Variants in ZDHHC3 observed in about 807,000 individuals in gnomAD.
ZDHHC3 encodes zDHHC palmitoyltransferase 3, also known as palmitoyltransferase ZDHHC3.
A neutral mutation model predicts 30.6 loss-of-function variants in ZDHHC3; 9 were observed. That is an observed-to-expected ratio of 0.29 (90% CI 0.18 to 0.51). ZDHHC3 has a LOEUF of 0.51. Among genes scored for constraint, ZDHHC3 ranks in the 20% least tolerant of loss-of-function variants. The probability of loss-of-function intolerance (pLI) is 0.97; values close to 1 mark genes in which losing one functional copy is unlikely to be tolerated. For synonymous variants in ZDHHC3, 136 were observed against 140.2 expected (o/e 0.97, Z 0.21); for missense variants, 246 against 384.2 (o/e 0.64, Z 3.01).
intron 1 of ZDHHC3, among the ~76,000 whole-genome samples, chr3:44,960,998 C>T (rs184788074): frequency 6.6e-6 from 1 of 152,340 alleles, no homozygotes; most frequent in African/African-American, 2.4e-5. Flanking sequence ...TGAAAGGCAG[C>T]TAAATGTGCT....
Position 44,926,599 on chromosome 3 carries a change from C to G in ZDHHC3, c.*90G>C. On this transcript the variant is annotated 3_prime_UTR_variant, in exon 7 of 7. Coordinates refer to ENST00000424952, the MANE Select transcript of ZDHHC3 (RefSeq NM_001135179.2). ...AAAAGTTTTAAGAGTAGTTGTTTTGCTTTTTCGATTTAAACATTCATGAGA... is the reference window on the plus strand; with the variant it reads ...AAAAGTTTTAAGAGTAGTTGTTTTGGTTTTTCGATTTAAACATTCATGAGA... 7.6e-7 allele frequency: 1 copy of G among 1,313,326 alleles called. No individual in the cohort carries two copies. The highest frequency in any genetic ancestry group is 2.9e-5 in the East Asian group (1 of 35,000). 81.4% of individuals were successfully genotyped at this position (1,313,326 alleles called of 1,614,324 possible).
In ZDHHC3 at chr3:44,928,001, C is replaced by T. The variant is rs140496563; in HGVS notation, c.742-1154G>A. Among the ~76,000 whole-genome samples, 281 of 152,336 alleles carry T rather than the reference C, an allele frequency of 1.8e-3. 1 individual carries two copies. The highest frequency in any genetic ancestry group is 2.6e-3 in the Non-Finnish European group (175 of 68,026). On this transcript the variant is annotated intron_variant, in intron 6 of 6. Coordinates refer to ENST00000424952, the MANE Select transcript of ZDHHC3 (RefSeq NM_001135179.2). ...TAGGAATGGTCTTCTCAGGGAAGAA[C>T]GGCTAGGACTGGGGCCGTGAGAGCT...
At chr3:44,957,152 G>C (rs765148737) in intron 2 of ZDHHC3, among the ~76,000 whole-genome samples, 1 of 152,138 alleles carries the variant, frequency 6.6e-6, no homozygotes, top group Non-Finnish European at 1.5e-5. Flanking sequence ...ATCTAAAGTA[G>C]TCCCCCTTTG....
At position 44,938,426 on chromosome 3, in the gene ZDHHC3, C is replaced by A. The variant is rs544497897; in HGVS notation, c.432-4442G>T. ...GGGCTGCCAAGTTGGTGGCCGCCAC[C>A]CTCATGACATCACAGATGACATCAA... On this transcript the variant is annotated intron_variant, in intron 3 of 6. Coordinates refer to ENST00000424952, the MANE Select transcript of ZDHHC3 (RefSeq NM_001135179.2). The A allele has an allele frequency of 1.3e-4, 29 of 220,610 alleles. No individual in the cohort carries two copies. The South Asian group carries it at 2.2e-3, about 17-fold the overall frequency. 13.7% of individuals were successfully genotyped at this position (220,610 alleles called of 1,614,324 possible). A position where few individuals can be genotyped will look rare whatever the true frequency, so the allele number is the denominator to read the frequency against.
intron 1 of ZDHHC3, among the ~76,000 whole-genome samples, chr3:44,973,933 T>C (rs1245860767): frequency 6.6e-6 from 1 of 152,186 alleles, no homozygotes; most frequent in Admixed American, 6.5e-5. Context: ...AACAAGACGG[T>C]TTAATACTGT....
intron 2 of ZDHHC3, among the ~76,000 whole-genome samples, chr3:44,948,768 C>T (rs946619653): frequency 4.6e-5 from 7 of 152,044 alleles, no homozygotes; most frequent in Admixed American, 1.3e-4. Flanking sequence ...GATCTCCTGT[C>T]GTCTGCTCTT....
chr3:44,933,050 C>G (rs1477462506), intron 5 of ZDHHC3, 68 bp downstream of exon 5: 2 of 1,612,694 alleles, frequency 1.2e-6, no homozygotes, highest in Non-Finnish European at 1.7e-6. Flanking sequence ...AACAAAGAGC[C>G]TCCCCGCCCC....
chr3:44,921,480 G>A lies in ZDHHC3; in HGVS notation c.*5209C>T. On this transcript the variant is annotated 3_prime_UTR_variant, in exon 7 of 7. Transcript: ENST00000424952. ...AACACATATACACACAACTCCCTAA[G>A]CTTCATAAAACAATACTTATCCTGC... The A allele has an allele frequency of 1.0e-6, 1 of 985,346 alleles. No homozygotes were observed. The highest frequency in any genetic ancestry group is 1.2e-6 in the Non-Finnish European group (1 of 829,924). 61.0% of individuals were successfully genotyped at this position (985,346 alleles called of 1,614,324 possible). A position where few individuals can be genotyped will look rare whatever the true frequency, so the allele number is the denominator to read the frequency against.
intron 1 of ZDHHC3, among the ~76,000 whole-genome samples, chr3:44,971,222 C>A (rs2125936008): frequency 6.6e-6 from 1 of 152,320 alleles, no homozygotes; most frequent in South Asian, 2.1e-4. Context: ...CTCCACTGAC[C>A]TTGAATAGGA....
intron 3 of ZDHHC3, among the ~76,000 whole-genome samples, chr3:44,935,168 A>G (rs1176415743): frequency 6.6e-6 from 1 of 152,212 alleles, no homozygotes; most frequent in African/African-American, 2.4e-5. Flanking sequence ...AAACTTTTTA[A>G]TCTGAGGAAT....
intron 6 of ZDHHC3, among the ~76,000 whole-genome samples, chr3:44,928,060 G>T (rs779321319): frequency 2.4e-4 from 37 of 152,234 alleles, no homozygotes; most frequent in Admixed American, 8.5e-4. Context: ...TGGCCCGGCA[G>T]TATCCCAATG....
intron 3 of ZDHHC3, among the ~76,000 whole-genome samples, chr3:44,935,045 G>A (rs547845836): frequency 6.6e-6 from 1 of 152,132 alleles, no homozygotes; most frequent in South Asian, 2.1e-4. Flanking sequence ...CTCCCCCTTT[G>A]GACAATTCAA....
intron 6 of ZDHHC3, among the ~76,000 whole-genome samples, chr3:44,927,240 G>C (rs1293508126): frequency 6.6e-6 from 1 of 152,200 alleles, no homozygotes; most frequent in Admixed American, 6.5e-5. Context: ...GCTTTGGCGT[G>C]AGAGGCCTCA....
In ZDHHC3 at chr3:44,922,560, A is replaced by G. The variant is rs2125787972; in HGVS notation, c.*4129T>C. The G allele has an allele frequency of 1.0e-6, 1 of 985,404 alleles. No homozygotes were observed. Among genetic ancestry groups the G allele is most frequent in the East Asian group, 1.1e-4 (1 of 8,812 alleles). 61.0% of individuals were successfully genotyped at this position (985,404 alleles called of 1,614,324 possible). On this transcript the variant is annotated 3_prime_UTR_variant, in exon 7 of 7. Transcript: ENST00000424952. ...CGCGGAGGGAACACGTGCCTGTCTC[A>G]CAATCAGCACACCCCAACTGCACTA... is the stretch of plus-strand genomic sequence containing the variant.
At chr3:44,973,689 C>T (rs938347799) in intron 1 of ZDHHC3, among the ~76,000 whole-genome samples, 2 of 152,164 alleles carry the variant, frequency 1.3e-5, no homozygotes, top group Non-Finnish European at 2.9e-5. Flanking sequence ...AACTCCCAAC[C>T]TCAGGTGATC....
At chr3:44,975,772 T>TCACACACACA (rs1185484134) in intron 1 of ZDHHC3, among the ~76,000 whole-genome samples, 161 bp downstream of exon 1, 6 of 116,698 alleles carry the variant, frequency 5.1e-5, no homozygotes, top group Non-Finnish European at 7.2e-5. Context: ...TCTCTCTCTC[T>TCACACACACA]CACACACACA....
At chr3:44,930,648 A>C (rs535346893) in intron 5 of ZDHHC3, among the ~76,000 whole-genome samples, 1 of 152,356 alleles carries the variant, frequency 6.6e-6, no homozygotes, top group South Asian at 2.1e-4. Context: ...AAATGTGGGA[A>C]TGAGCTTGGA....
Position 44,922,685 on chromosome 3 carries a change from T to G in ZDHHC3, c.*4004A>C, listed in dbSNP as rs998686167. The G allele has an allele frequency of 2.0e-6, 2 of 985,188 alleles. No individual in the cohort carries two copies. Among genetic ancestry groups the G allele is most frequent in the African/African-American group, 3.5e-5 (2 of 57,196 alleles). 61.0% of individuals were successfully genotyped at this position (985,188 alleles called of 1,614,324 possible). Reference sequence around the variant, plus strand: ...GCCCCAACTGGATTCTCAAACTTGATAGTCAGAATCACCTGGAGGGCTGTT... The same window carrying G: ...GCCCCAACTGGATTCTCAAACTTGAGAGTCAGAATCACCTGGAGGGCTGTT... On this transcript the variant is annotated 3_prime_UTR_variant, in exon 7 of 7. Transcript: ENST00000424952.
At chr3:44,972,552 G>A (rs939354316) in intron 1 of ZDHHC3, among the ~76,000 whole-genome samples, 2 of 152,196 alleles carry the variant, frequency 1.3e-5, no homozygotes, top group Admixed American at 6.5e-5. Context: ...AATTAACCAA[G>A]GATGGGTGGG....
Sources: allele counts gnomAD v4.1 joint callset (sites outside exome capture counted in the v4.1 genomes callset), GRCh38; gene constraint gnomAD v4.1.1; transcripts MANE v1.5; gene names NCBI Gene and HGNC (gene_info 2026-07-23, HGNC 2026-07-21).